CD200R1: variants seen among roughly 807,000 people sequenced by gnomAD.
CD200R1 encodes the protein CD200 receptor 1.
A neutral mutation model predicts 38.1 loss-of-function variants in CD200R1; 30 were observed. That is an observed-to-expected ratio of 0.79 (90% CI 0.59 to 1.07). CD200R1 has a LOEUF of 1.07. Among genes scored for constraint, CD200R1 ranks in the 50% least tolerant of loss-of-function variants. The pLI, the probability that CD200R1 is intolerant of heterozygous loss-of-function variation, is 0.00. For missense variants in CD200R1, 372 were observed against 415.4 expected (o/e 0.90, Z 0.91); for synonymous variants, 128 against 152.1 (o/e 0.84, Z 1.16).
chr3:112,959,214 C>T (rs1395952816), intron 1 of CD200R1, among the ~76,000 whole-genome samples: 12 of 152,082 alleles, frequency 7.9e-5, no homozygotes, highest in Non-Finnish European at 1.5e-5. Context: ...AACATTGTTG[C>T]TAATATTCAT....
chr3:112,965,883 T>C (rs576076035), intron 1 of CD200R1, among the ~76,000 whole-genome samples: 215 of 152,288 alleles, frequency 1.4e-3, no homozygotes, highest in African/African-American at 5.0e-3. Flanking sequence ...CCAGAGGTAC[T>C]AGAAGGAATG....
In CD200R1 at chr3:112,929,466, G is replaced by C; in HGVS notation, c.244C>G (p.Leu82Val). 1.2e-6 allele frequency: 2 copies of C among 1,613,764 alleles called. No individual in the cohort carries two copies. The highest frequency in any genetic ancestry group is 8.5e-7 in the Non-Finnish European group (1 of 1,179,798). Residue 82 changes from leucine (L) to valine (V), a missense_variant, in exon 4 of 8, where the codon CTT (leucine) becomes GTT (valine). Transcript: ENST00000308611. ...CTTAATGCGATAGGAGGGCAACAAA[G>C]CACAGCATTTGTAGCCATCTTTACA... ...WPVKMATNAVLCCPPIALRNL... is the reference protein window; with the variant it reads ...WPVKMATNAVVCCPPIALRNL...
chr3:112,964,443 G>A (rs533208223), intron 1 of CD200R1, among the ~76,000 whole-genome samples: 73 of 152,352 alleles, frequency 4.8e-4, no homozygotes, highest in South Asian at 4.1e-4. Flanking sequence ...TCTTGCATCA[G>A]CATGACCTGG....
intron 2 of CD200R1, among the ~76,000 whole-genome samples, chr3:112,934,920 A>G (rs536360500): frequency 1.3e-5 from 2 of 152,250 alleles, no homozygotes; most frequent in East Asian, 3.9e-4. Flanking sequence ...AAGACATGCA[A>G]ACAGAATCCA....
chr3:112,946,052 A>G (rs940014762), intron 2 of CD200R1, among the ~76,000 whole-genome samples: 11 of 140,346 alleles, frequency 7.8e-5, no homozygotes, highest in African/African-American at 2.7e-4. Context: ...AAAAAAAAAA[A>G]GGAGAACGAA....
chr3:112,950,644 T>C (rs1404198236), intron 1 of CD200R1, among the ~76,000 whole-genome samples: 1 of 152,128 alleles, frequency 6.6e-6, no homozygotes, highest in African/African-American at 2.4e-5. Context: ...GCACATCGTA[T>C]ATTCGCTGAG....
chr3:112,941,759 A>C (rs547547419), intron 2 of CD200R1, among the ~76,000 whole-genome samples: 1 of 151,812 alleles, frequency 6.6e-6, no homozygotes, highest in East Asian at 1.9e-4. Context: ...ATAAATGCCA[A>C]AAATAACCTA....
intron 1 of CD200R1, among the ~76,000 whole-genome samples, chr3:112,963,828 G>C (rs140867875): frequency 0.016 from 2,513 of 152,306 alleles, 17 homozygotes; most frequent in Non-Finnish European, 0.028. Flanking sequence ...GGGCATGTCA[G>C]AGGCCTTCAC....
intron 2 of CD200R1, among the ~76,000 whole-genome samples, chr3:112,940,681 A>G (rs1046957117): frequency 6.6e-6 from 1 of 151,830 alleles, no homozygotes; most frequent in Admixed American, 6.6e-5. Context: ...AGAAAAGGGA[A>G]TTCTTATAAA....
intron 2 of CD200R1, among the ~76,000 whole-genome samples, chr3:112,935,379 A>G (rs900602334): frequency 6.6e-6 from 1 of 152,230 alleles, no homozygotes; most frequent in Non-Finnish European, 1.5e-5. Flanking sequence ...AATTACAATC[A>G]TATCATCTTA....
At chr3:112,949,411 T>C (rs1343772911) in intron 1 of CD200R1, among the ~76,000 whole-genome samples, 2 of 152,266 alleles carry the variant, frequency 1.3e-5, no homozygotes, top group Non-Finnish European at 2.9e-5. Flanking sequence ...CAAACTGTTC[T>C]TTTAAGATAA....
At chr3:112,957,030 T>G (rs1178769398) in intron 1 of CD200R1, among the ~76,000 whole-genome samples, 1 of 152,112 alleles carries the variant, frequency 6.6e-6, no homozygotes, top group Non-Finnish European at 1.5e-5. Flanking sequence ...AGTGCTGGAT[T>G]TTACTCTGGT....
At chr3:112,932,073 A>C (rs1410404530) in intron 2 of CD200R1, among the ~76,000 whole-genome samples, 1 of 152,128 alleles carries the variant, frequency 6.6e-6, no homozygotes, top group Admixed American at 6.5e-5. Context: ...TGCTACCAGG[A>C]ATTCATACAG....
chr3:112,963,973 AG>A lies in CD200R1; in HGVS notation c.67+10817del, dbSNP rs538385239. ...GCCAGCTGCTCCAGCCATGGCTGAA[AG>A]GGGCCAACATACAGCTCAGGCCATG... On this transcript the variant is annotated intron_variant, in intron 1 of 7. Transcript: ENST00000308611. Among the ~76,000 whole-genome samples, 22 of 152,326 alleles carry A rather than the reference AG, an allele frequency of 1.4e-4. No individual in the cohort carries two copies. The East Asian group carries it at 4.2e-3, about 29-fold the overall frequency.
chr3:112,935,768 C>A (rs150484472), intron 2 of CD200R1, among the ~76,000 whole-genome samples: 1 of 152,106 alleles, frequency 6.6e-6, no homozygotes, highest in African/African-American at 2.4e-5. Flanking sequence ...ATGCAAAAAA[C>A]CAACAACAAA....
intron 1 of CD200R1, among the ~76,000 whole-genome samples, chr3:112,964,176 C>T (rs189094090): frequency 1.3e-5 from 2 of 152,210 alleles, no homozygotes; most frequent in Non-Finnish European, 2.9e-5. Flanking sequence ...CATGGAGAAC[C>T]TCTGCTAGGG....
At chr3:112,944,603 C>CT (rs1303767309) in intron 2 of CD200R1, among the ~76,000 whole-genome samples, 1 of 151,984 alleles carries the variant, frequency 6.6e-6, no homozygotes, top group African/African-American at 2.4e-5. Flanking sequence ...CTAACTAATG[C>CT]TTTTCTAACT....
intron 2 of CD200R1, among the ~76,000 whole-genome samples, chr3:112,934,599 G>T (rs1940532974): frequency 1.3e-5 from 2 of 152,154 alleles, no homozygotes. Flanking sequence ...GGAGGCCAAG[G>T]AGGGTGCATT....
At chr3:112,968,109 A>G (rs556649187) in intron 1 of CD200R1, among the ~76,000 whole-genome samples, 7 of 152,298 alleles carry the variant, frequency 4.6e-5, no homozygotes, top group South Asian at 2.1e-4. Context: ...TAGACCCAAC[A>G]CAGAGTTATA....
Sources: gnomAD v4.1 joint callset for allele counts (sites outside exome capture counted in the v4.1 genomes callset) on GRCh38, gnomAD v4.1.1 for gene constraint, MANE v1.5 for transcripts, NCBI Gene and HGNC (gene_info 2026-07-23, HGNC 2026-07-21) for gene names.